Variants in NRXN3 observed in about 807,000 individuals in gnomAD.
NRXN3 encodes neurexin 3, also known as neurexin III.
A neutral mutation model predicts 137.6 loss-of-function variants in NRXN3; 32 were observed. The observed-to-expected ratio is 0.23, with a 90% confidence interval of 0.18 to 0.31. The LOEUF is 0.31. Ranked by LOEUF, NRXN3 falls within the 10% of genes least tolerant of loss-of-function variation. NRXN3 has a pLI of 1.00. For synonymous variants in NRXN3, 798 were observed against 784.5 expected, an observed-to-expected ratio of 1.02 and a Z score of -0.29; for missense variants, 1,574 against 2,062.5, an observed-to-expected ratio of 0.76 and a Z score of 4.59.
At chr14:79,293,504 A>C (rs2083522474) in intron 15 of NRXN3, among the ~76,000 whole-genome samples, 1 of 152,268 alleles carries the variant, frequency 6.6e-6, no homozygotes, top group Non-Finnish European at 1.5e-5. Flanking sequence ...AGGCGAGGGC[A>C]ACGTGCAAGC....
At chr14:79,743,647 G>A (rs892353019) in intron 19 of NRXN3, among the ~76,000 whole-genome samples, 2 of 152,144 alleles carry the variant, frequency 1.3e-5, no homozygotes, top group African/African-American at 2.4e-5. Flanking sequence ...GCTCATCTCA[G>A]GGTCCCTTCC....
chr14:79,423,061 C>A (rs1197242115), intron 15 of NRXN3, among the ~76,000 whole-genome samples: 1 of 152,068 alleles, frequency 6.6e-6, no homozygotes, highest in African/African-American at 2.4e-5. Context: ...TGGAGAAGGG[C>A]TTTTGCTGGA....
At chr14:79,222,860 T>G (rs2153233684) in intron 15 of NRXN3, among the ~76,000 whole-genome samples, 1 of 152,278 alleles carries the variant, frequency 6.6e-6, no homozygotes, top group Admixed American at 6.5e-5. Context: ...TTGGCCATTT[T>G]TCATCTGCTG....
intron 19 of NRXN3, among the ~76,000 whole-genome samples, chr14:79,789,098 A>AT (rs1274567836): frequency 6.6e-6 from 1 of 152,166 alleles, no homozygotes; most frequent in East Asian, 1.9e-4. Flanking sequence ...TTGAATTTTA[A>AT]TTTTTTTTAA....
Position 79,402,542 on chromosome 14 carries a change from G to A in NRXN3, c.3263-64679G>A, listed in dbSNP as rs139648437. Among the ~76,000 whole-genome samples the A allele has an allele frequency of 2.4e-3, 361 of 152,314 alleles. 8 individuals are homozygous for A. The East Asian group carries it at 0.058, about 25-fold the overall frequency. ...TAGCATAAGTAAAATTAATGATATTGTAGGTCTTAAATGTAAATGCAATTT... is the reference window on the plus strand; with the variant it reads ...TAGCATAAGTAAAATTAATGATATTATAGGTCTTAAATGTAAATGCAATTT... On this transcript the variant is annotated intron_variant, in intron 15 of 20. Coordinates refer to ENST00000335750, the MANE Select transcript of NRXN3 (RefSeq NM_001330195.2).
chr14:79,568,221 A>G (rs1007278456), intron 16 of NRXN3, among the ~76,000 whole-genome samples: 8 of 152,168 alleles, frequency 5.3e-5, no homozygotes, highest in Admixed American at 4.6e-4. Context: ...GATTTGGGAT[A>G]TATTGCTTGG....
At chr14:78,583,771 C>T (rs773870978) in intron 4 of NRXN3, among the ~76,000 whole-genome samples, 7 of 152,090 alleles carry the variant, frequency 4.6e-5, no homozygotes, top group Non-Finnish European at 8.8e-5. Flanking sequence ...ATGATTCCAT[C>T]CCCAGCTTGC....
chr14:79,136,860 G>C (rs913838734), intron 15 of NRXN3, among the ~76,000 whole-genome samples: 3 of 152,160 alleles, frequency 2.0e-5, no homozygotes, highest in African/African-American at 7.2e-5. Flanking sequence ...TGCTTCCAAA[G>C]CTTAGTCATC....
chr14:78,241,074 A>G (rs1168573739), intron 1 of NRXN3, among the ~76,000 whole-genome samples: 1 of 152,202 alleles, frequency 6.6e-6, no homozygotes, highest in East Asian at 1.9e-4. Context: ...CTGTTTCTAC[A>G]TCATCATAAA....
At chr14:78,775,642 A>G (rs751396309) in intron 8 of NRXN3, among the ~76,000 whole-genome samples, 32 of 152,228 alleles carry the variant, frequency 2.1e-4, no homozygotes, top group Non-Finnish European at 4.4e-4. Context: ...CTGCTAGGTC[A>G]ATAAGTATCT....
At chr14:79,292,956 C>T (rs1221679338) in intron 15 of NRXN3, among the ~76,000 whole-genome samples, 1 of 152,166 alleles carries the variant, frequency 6.6e-6, no homozygotes, top group Non-Finnish European at 1.5e-5. Context: ...CTCATGTCAA[C>T]ATGTCAATAA....
intron 3 of NRXN3, among the ~76,000 whole-genome samples, chr14:78,294,335 AC>A (rs1359781702): frequency 6.6e-6 from 1 of 152,130 alleles, no homozygotes; most frequent in Non-Finnish European, 1.5e-5. Context: ...CGGGCAGATC[AC>A]CTGAGGTCAG....
chr14:78,197,610 A>G (rs2365676), intron 1 of NRXN3, among the ~76,000 whole-genome samples: 131,336 of 152,232 alleles, frequency 0.86, 56,829 homozygotes, highest in East Asian at 0.92. Context: ...AAGAGTGGGT[A>G]TAAGCTCCCT....
intron 15 of NRXN3, among the ~76,000 whole-genome samples, chr14:79,425,718 C>T (rs2095645846): frequency 6.6e-6 from 1 of 152,150 alleles, no homozygotes; most frequent in Admixed American, 6.6e-5. Flanking sequence ...AATATTAAAA[C>T]AAAAGGCTTT....
chr14:79,557,668 A>T (rs2097444460), intron 16 of NRXN3, among the ~76,000 whole-genome samples: 1 of 152,174 alleles, frequency 6.6e-6, no homozygotes, highest in Admixed American at 6.6e-5. Flanking sequence ...ATGCTAAAAA[A>T]TTATCAGAGC....
chr14:79,283,303 G>A (rs1261707958), intron 15 of NRXN3, among the ~76,000 whole-genome samples: 1 of 152,152 alleles, frequency 6.6e-6, no homozygotes, highest in Non-Finnish European at 1.5e-5. Context: ...TTGGACTTAA[G>A]AGATTGTTGT....
chr14:78,752,293 C>T (rs1863727370), intron 8 of NRXN3, among the ~76,000 whole-genome samples: 1 of 152,264 alleles, frequency 6.6e-6, no homozygotes, highest in Admixed American at 6.5e-5. Context: ...GGCACATGCC[C>T]ATAGTCCAGC....
At chr14:79,370,591 T>A (rs1291224301) in intron 15 of NRXN3, among the ~76,000 whole-genome samples, 2 of 152,094 alleles carry the variant, frequency 1.3e-5, no homozygotes, top group Non-Finnish European at 2.9e-5. Flanking sequence ...GTGCTGGGAT[T>A]ACAGGCATGA....
chr14:79,320,064 TAAAG>T (rs1165962543), intron 15 of NRXN3, among the ~76,000 whole-genome samples: 7 of 152,178 alleles, frequency 4.6e-5, no homozygotes, highest in Non-Finnish European at 8.8e-5. Flanking sequence ...CTGACAAAAT[TAAAG>T]AAGACATTAA....
Sources: allele counts gnomAD v4.1 joint callset (sites outside exome capture counted in the v4.1 genomes callset), GRCh38; gene constraint gnomAD v4.1.1; transcripts MANE v1.5; gene names NCBI Gene and HGNC (gene_info 2026-07-23, HGNC 2026-07-21).